Variants in PINX1 observed in about 807,000 individuals in gnomAD.
The protein encoded by PINX1 is PIN2 (TERF1) interacting telomerase inhibitor 1, also known as PIN2/TERF1-interacting telomerase inhibitor 1.
In PINX1, 34 loss-of-function variants were observed where a neutral mutation model predicts 25.4. The observed-to-expected ratio is 1.34, with a 90% CI of 1.02 to 1.78. The LOEUF (loss-of-function observed/expected upper bound fraction) is 1.78. Among genes scored for constraint, PINX1 ranks in the 40% most tolerant of loss-of-function variants. The pLI, the probability that PINX1 is intolerant of heterozygous loss-of-function variation, is 0.00. For synonymous variants in PINX1, 197 were observed against 147.7 expected, an observed-to-expected ratio of 1.33 and a Z score of -2.42; for missense variants, 592 against 404.9, an observed-to-expected ratio of 1.46 and a Z score of -3.97.
At chr8:10,767,137 C>A (rs1295838185) in intron 6 of PINX1, among the ~76,000 whole-genome samples, 2 of 152,168 alleles carry the variant, frequency 1.3e-5, no homozygotes, top group African/African-American at 4.8e-5. Context: ...GGGTGGGAAA[C>A]GGCTCCTGAA....
intron 6 of PINX1, among the ~76,000 whole-genome samples, chr8:10,817,841 G>A (rs974601443): frequency 5.9e-5 from 9 of 152,210 alleles, no homozygotes; most frequent in Non-Finnish European, 1.3e-4. Flanking sequence ...GAAGCTCTCA[G>A]TACAGCTGCA....
At chr8:10,796,799 C>A (rs879743219) in intron 6 of PINX1, among the ~76,000 whole-genome samples, 1 of 151,646 alleles carries the variant, frequency 6.6e-6, no homozygotes, top group Middle Eastern at 3.5e-3. Flanking sequence ...ATGTTCATTA[C>A]CATATAAAAG....
At chr8:10,781,703 T>C (rs1801592070) in intron 6 of PINX1, among the ~76,000 whole-genome samples, 2 of 151,666 alleles carry the variant, frequency 1.3e-5, no homozygotes, top group South Asian at 4.2e-4. Context: ...TTGGCAAGAG[T>C]GTGGAGAAAC....
At chr8:10,769,351 C>A (rs749940323) in intron 6 of PINX1, among the ~76,000 whole-genome samples, 1 of 152,206 alleles carries the variant, frequency 6.6e-6, no homozygotes, top group Non-Finnish European at 1.5e-5. Flanking sequence ...CTTCCTTCAG[C>A]GCTAATGAGT....
intron 6 of PINX1, among the ~76,000 whole-genome samples, chr8:10,770,928 T>G (rs1801202645): frequency 6.6e-6 from 1 of 152,224 alleles, no homozygotes; most frequent in South Asian, 2.1e-4. Context: ...AATCCTTCAA[T>G]GAACTTTGTT....
intron 6 of PINX1, among the ~76,000 whole-genome samples, chr8:10,775,410 G>GTTTTTTTTTTGT (rs1801357645): frequency 9.1e-6 from 1 of 109,594 alleles, no homozygotes; most frequent in African/African-American, 3.2e-5. Flanking sequence ...CTGTTTTGTG[G>GTTTTTTTTTTGT]TTTTTTTTTT....
intron 1 of PINX1, among the ~76,000 whole-genome samples, chr8:10,835,661 C>G (rs1248719939): frequency 6.6e-6 from 1 of 152,124 alleles, no homozygotes; most frequent in Non-Finnish European, 1.5e-5. Context: ...GGCTCATATT[C>G]ATGTCTTTTT....
intron 6 of PINX1, among the ~76,000 whole-genome samples, chr8:10,783,039 G>A (rs1383639027): frequency 6.6e-6 from 1 of 152,116 alleles, no homozygotes; most frequent in Non-Finnish European, 1.5e-5. Context: ...GGAACAGAAA[G>A]AAATATGGAG....
At chr8:10,779,496 TAA>T (rs1473173589) in intron 6 of PINX1, among the ~76,000 whole-genome samples, 2 of 152,136 alleles carry the variant, frequency 1.3e-5, no homozygotes, top group African/African-American at 4.8e-5. Context: ...GGGAAATACA[TAA>T]AGACAAAAAG....
chr8:10,817,223 G>A (rs550306850), intron 6 of PINX1, among the ~76,000 whole-genome samples: 21 of 152,298 alleles, frequency 1.4e-4, no homozygotes, highest in African/African-American at 4.8e-4. Flanking sequence ...GGACTCTGGA[G>A]GGAGGTGACC....
At chr8:10,823,132 G>A (rs1797926625) in intron 5 of PINX1, among the ~76,000 whole-genome samples, 3 of 152,180 alleles carry the variant, frequency 2.0e-5, no homozygotes, top group Admixed American at 2.0e-4. Context: ...AGAATCAGAA[G>A]AGGAGATTGA....
chr8:10,806,345 A>C (rs1042965839), intron 6 of PINX1, among the ~76,000 whole-genome samples: 46 of 152,296 alleles, frequency 3.0e-4, no homozygotes, highest in African/African-American at 1.0e-3. Flanking sequence ...CCATGACACC[A>C]CGGCCGTACT....
At chr8:10,818,938 G>A (rs566082529) in intron 6 of PINX1, among the ~76,000 whole-genome samples, 4 of 152,308 alleles carry the variant, frequency 2.6e-5, no homozygotes, top group Admixed American at 1.3e-4. Context: ...CAGGTCTCAC[G>A]GTGAGCACTG....
chr8:10,784,638 C>G (rs1178131838), intron 6 of PINX1, among the ~76,000 whole-genome samples: 3 of 152,154 alleles, frequency 2.0e-5, no homozygotes, highest in African/African-American at 2.4e-5. Context: ...TAAGTTTAAG[C>G]ACTTGTTAAA....
At chr8:10,819,919 C>A (rs1306062005) in intron 6 of PINX1, among the ~76,000 whole-genome samples, 3 of 152,126 alleles carry the variant, frequency 2.0e-5, no homozygotes, top group Non-Finnish European at 4.4e-5. Context: ...AATGGGTGTT[C>A]TTCCCCAAGT....
intron 2 of PINX1, chr8:10,833,912 T>C (rs1291284838): frequency 6.4e-6 from 1 of 155,172 alleles, no homozygotes; most frequent in African/African-American, 2.4e-5. Flanking sequence ...ATCAAGAGTT[T>C]TATAATAGAA....
At chr8:10,766,065 G>T (rs1801033866) in intron 6 of PINX1, 149 bp from the exon 7 acceptor site, 1 of 744,342 alleles carries the variant, frequency 1.3e-6, no homozygotes, top group Non-Finnish European at 2.2e-6. Flanking sequence ...AGGAGACAAG[G>T]CTGAGTGACA....
Position 10,765,053 on chromosome 8 carries a change from G to GAC in PINX1, c.*346_*347dup, listed in dbSNP as rs34143365. On this transcript the variant is annotated 3_prime_UTR_variant, in exon 7 of 7. Transcript: ENST00000314787. Reference sequence around the variant, plus strand: ...GGAACCGAGAGCAAACGGAGATAGTGACACACACACACACACACAGATGCG... The same window carrying GAC: ...GGAACCGAGAGCAAACGGAGATAGTGACACACACACACACACACACAGATGCG... The GAC allele has an allele frequency of 0.12, 23,362 of 201,566 alleles. 2,139 individuals carry two copies. Among genetic ancestry groups the GAC allele is most frequent in the African/African-American group, 0.29 (12,378 of 42,912 alleles). 12.5% of individuals were successfully genotyped at this position (201,566 alleles called of 1,614,324 possible).
chr8:10,826,798 T>C (rs1244329059), intron 4 of PINX1, among the ~76,000 whole-genome samples: 1 of 152,090 alleles, frequency 6.6e-6, no homozygotes, highest in Non-Finnish European at 1.5e-5. Flanking sequence ...ATGACAAAAC[T>C]ACAGAGAGAG....
Sources: allele counts gnomAD v4.1 joint callset (sites outside exome capture counted in the v4.1 genomes callset), GRCh38; gene constraint gnomAD v4.1.1; transcripts MANE v1.5; gene names NCBI Gene and HGNC (gene_info 2026-07-23, HGNC 2026-07-21).